SCIN: variants seen among roughly 807,000 people sequenced by gnomAD.
The protein encoded by SCIN is adseverin.
Under a neutral mutation model 91.8 loss-of-function variants are expected in SCIN, and 91 were observed. The observed-to-expected ratio is 0.99, with a 90% CI of 0.84 to 1.18. The LOEUF is 1.18. SCIN is among the 50% of genes most tolerant of loss of function. SCIN has a pLI of 0.00. For missense variants in SCIN, 1,087 were observed against 863.9 expected, an observed-to-expected ratio of 1.26 and a Z score of -3.24; for synonymous variants, 367 against 312.6, an observed-to-expected ratio of 1.17 and a Z score of -1.84.
chr7:12,647,633 CAA>C (rs747032945), intron 13 of SCIN, among the ~76,000 whole-genome samples: 70 of 152,132 alleles, frequency 4.6e-4, no homozygotes, highest in Non-Finnish European at 7.6e-4. Flanking sequence ...GTGCTGACGT[CAA>C]GTTAAGTGCT....
Position 12,590,477 on chromosome 7 carries a change from A to G in SCIN, c.516+9256A>G, listed in dbSNP as rs141907151. ...AGTAGGTATGGGGGCGCACACTGAT[A>G]TGGAAGGATTGGTGAAGAGATGTCA... is the stretch of plus-strand genomic sequence containing the variant. On this transcript the variant is annotated intron_variant, in intron 3 of 15. Transcript: ENST00000297029. Among the ~76,000 whole-genome samples, 589 of 152,258 alleles carry G rather than the reference A, an allele frequency of 3.9e-3. 1 individual carries two copies. The highest frequency in any genetic ancestry group is 0.012 in the African/African-American group (494 of 41,548).
intron 13 of SCIN, among the ~76,000 whole-genome samples, chr7:12,649,014 G>A (rs1784025124): frequency 6.6e-6 from 1 of 152,138 alleles, no homozygotes; most frequent in Non-Finnish European, 1.5e-5. Context: ...GTTACAGATT[G>A]CTATGAATAC....
chr7:12,645,130 C>T (rs373770285), intron 13 of SCIN, among the ~76,000 whole-genome samples: 114 of 151,574 alleles, frequency 7.5e-4, no homozygotes, highest in African/African-American at 2.6e-3. Flanking sequence ...ACCAGCCTGG[C>T]CAATATGGTG....
intron 11 of SCIN, among the ~76,000 whole-genome samples, chr7:12,640,742 CA>C (rs1783842224): frequency 6.6e-6 from 1 of 152,186 alleles, no homozygotes; most frequent in African/African-American, 2.4e-5. Context: ...TGAACCCAAA[CA>C]GATAAATTTT....
In SCIN at chr7:12,570,736, G is replaced by T. The variant is rs141375846; in HGVS notation, c.-51G>T. 23 of 1,532,712 alleles carry T rather than the reference G, an allele frequency of 1.5e-5. No individual in the cohort carries two copies. The highest frequency in any genetic ancestry group is 2.0e-5 in the Non-Finnish European group (23 of 1,135,882). 94.9% of individuals were successfully genotyped at this position (1,532,712 alleles called of 1,614,324 possible). Reference sequence around the variant, plus strand: ...GGTTCCTCCTGCTGCTCTCGGTTTAGTCCAAGATCAGCGATATCACGCGTC... The same window carrying T: ...GGTTCCTCCTGCTGCTCTCGGTTTATTCCAAGATCAGCGATATCACGCGTC... On this transcript the variant is annotated 5_prime_UTR_variant, in exon 1 of 16. Transcript: ENST00000297029.
intron 15 of SCIN, among the ~76,000 whole-genome samples, chr7:12,652,188 T>C (rs1273406044): frequency 6.6e-6 from 1 of 152,216 alleles, no homozygotes; most frequent in Non-Finnish European, 1.5e-5. Flanking sequence ...GAGTAAAACC[T>C]CCATGACTGT....
At chr7:12,589,807 C>T (rs1418583897) in intron 3 of SCIN, among the ~76,000 whole-genome samples, 1 of 152,038 alleles carries the variant, frequency 6.6e-6, no homozygotes, top group African/African-American at 2.4e-5. Flanking sequence ...GAGGTATTCT[C>T]CTAGCTGAGA....
At chr7:12,587,157 A>G (rs1782605067) in intron 3 of SCIN, among the ~76,000 whole-genome samples, 1 of 152,212 alleles carries the variant, frequency 6.6e-6, no homozygotes, top group South Asian at 2.1e-4. Context: ...TTTGATCATT[A>G]CACACTTTAT....
At chr7:12,611,876 A>C (rs2115259159) in intron 4 of SCIN, among the ~76,000 whole-genome samples, 1 of 152,036 alleles carries the variant, frequency 6.6e-6, no homozygotes, top group African/African-American at 2.4e-5. Flanking sequence ...CATGCCTGTG[A>C]ATATCCACTG....
At position 12,592,606 on chromosome 7, in the gene SCIN, G is replaced by A. The variant is rs75466697; in HGVS notation, c.516+11385G>A. 7.4e-3 allele frequency among the ~76,000 whole-genome samples: 1,129 copies of A among 152,120 alleles called. 10 individuals are homozygous for A. The highest frequency in any genetic ancestry group is 0.017 in the Middle Eastern group (5 of 294). On this transcript the variant is annotated intron_variant, in intron 3 of 15. Coordinates refer to ENST00000297029, the MANE Select transcript of SCIN (RefSeq NM_001112706.3). ...CGGAGAGGAGCAGGAGGGGACTCTG[G>A]TTGAAGGGGGCAAGAAAAGGTGATA...
chr7:12,616,610 A>C (rs1220494704), intron 4 of SCIN, among the ~76,000 whole-genome samples: 1 of 152,128 alleles, frequency 6.6e-6, no homozygotes, highest in Admixed American at 6.6e-5. Flanking sequence ...ATCAAAGCTA[A>C]CCTGTTAACC....
At chr7:12,601,659 A>C (rs1423103110) in intron 3 of SCIN, among the ~76,000 whole-genome samples, 1 of 148,236 alleles carries the variant, frequency 6.7e-6, no homozygotes, top group Non-Finnish European at 1.5e-5. Flanking sequence ...AAAACAAACA[A>C]AAAAAAATCA....
At chr7:12,578,908 G>GGTTTTTTTTTTTTTT (rs1782428600) in intron 2 of SCIN, among the ~76,000 whole-genome samples, 1 of 56,990 alleles carries the variant, frequency 1.8e-5, no homozygotes, top group African/African-American at 1.0e-4. Flanking sequence ...GTATAGGACA[G>GGTTTTTTTTTTTTTT]GTTTTTTTTT....
chr7:12,613,360 G>A (rs1008345817), intron 4 of SCIN, among the ~76,000 whole-genome samples: 1 of 152,082 alleles, frequency 6.6e-6, no homozygotes, highest in Non-Finnish European at 1.5e-5. Flanking sequence ...TAGTTTTTAA[G>A]TATATAATAA....
rs1455167914 is a variant in SCIN at position 12,626,012 on chromosome 7, C to T, written c.981+162C>T. 15 of 563,344 alleles carry T rather than the reference C, an allele frequency of 2.7e-5. No individual in the cohort carries two copies. In the East Asian group the frequency reaches 3.3e-4, roughly 13 times the overall value. The allele number at this position is 563,344 out of a possible 1,614,324, so 34.9% of individuals were successfully genotyped here. On this transcript the variant is annotated intron_variant, in intron 7 of 15. Coordinates refer to ENST00000297029, the MANE Select transcript of SCIN (RefSeq NM_001112706.3). The stretch of plus-strand genomic sequence containing the variant: ...ATCTGGTGTCCCTCTTCTTTATCTG[C>T]GTGGGGGTTAGAATTTTTTAGAAAC...
In SCIN at chr7:12,657,572, A is replaced by ATATATATATT. The variant is rs1554298408; in HGVS notation, c.*4858_*4859insATATATATTT. 1 of 22,076 alleles carries ATATATATATT rather than the reference A, an allele frequency of 4.5e-5. No homozygotes were observed. Among genetic ancestry groups the ATATATATATT allele is most frequent in the African/African-American group, 8.1e-5 (1 of 12,372 alleles). 1.4% of individuals were successfully genotyped at this position (22,076 alleles called of 1,614,324 possible). A position where few individuals can be genotyped will look rare whatever the true frequency, so the allele number is the denominator to read the frequency against. On this transcript the variant is annotated 3_prime_UTR_variant, in exon 16 of 16. Coordinates refer to ENST00000297029, the MANE Select transcript of SCIN (RefSeq NM_001112706.3). ...TATATATATATATATATATATATAT[A>ATATATATATT]TTTTTTTTTTTTTTTTTTTTTTTTT...
chr7:12,627,712 AG>A (rs1783556936), intron 8 of SCIN, among the ~76,000 whole-genome samples: 1 of 152,102 alleles, frequency 6.6e-6, no homozygotes, highest in Non-Finnish European at 1.5e-5. Context: ...CTGTTGTCAG[AG>A]GGGTATTGAC....
chr7:12,580,394 A>T (rs1027278160), intron 2 of SCIN, among the ~76,000 whole-genome samples: 23 of 151,856 alleles, frequency 1.5e-4, no homozygotes, highest in African/African-American at 4.4e-4. Flanking sequence ...ATTTTATTTT[A>T]TTTTTTTTGT....
intron 3 of SCIN, among the ~76,000 whole-genome samples, chr7:12,596,050 A>G (rs1474543841): frequency 6.6e-6 from 1 of 152,206 alleles, no homozygotes. Flanking sequence ...CAGGAAGGAA[A>G]AGAAAGGAAC....
Sources: gnomAD v4.1 joint callset for allele counts (sites outside exome capture counted in the v4.1 genomes callset) on GRCh38, gnomAD v4.1.1 for gene constraint, MANE v1.5 for transcripts, NCBI Gene and HGNC (gene_info 2026-07-23, HGNC 2026-07-21) for gene names.